CDKAL1: variants seen among roughly 807,000 people sequenced by gnomAD.
The protein encoded by CDKAL1 is threonylcarbamoyladenosine tRNA methylthiotransferase.
A neutral mutation model predicts 68.2 loss-of-function variants in CDKAL1; 32 were observed. The observed-to-expected ratio is 0.47, with a 90% CI of 0.35 to 0.63. CDKAL1 has a LOEUF of 0.63. Among genes scored for constraint, CDKAL1 ranks in the 30% least tolerant of loss-of-function variants. CDKAL1 has a pLI of 0.00. For missense variants in CDKAL1, 606 were observed against 696.7 expected, an observed-to-expected ratio of 0.87 and a Z score of 1.47; for synonymous variants, 234 against 244.3, an observed-to-expected ratio of 0.96 and a Z score of 0.39.
chr6:20,624,775 G>T (rs1453606067), intron 4 of CDKAL1, among the ~76,000 whole-genome samples: 1 of 151,992 alleles, frequency 6.6e-6, no homozygotes, highest in African/African-American at 2.4e-5. Flanking sequence ...ATTTAATTTT[G>T]TATAAGAACA....
intron 6 of CDKAL1, among the ~76,000 whole-genome samples, chr6:20,748,921 A>G (rs1366256451): frequency 6.6e-6 from 1 of 152,084 alleles, no homozygotes; most frequent in African/African-American, 2.4e-5. Flanking sequence ...CAAAATTAAG[A>G]CAGCTAATAA....
chr6:21,048,494 GTA>G (rs1222916883), intron 11 of CDKAL1, among the ~76,000 whole-genome samples: 1 of 152,008 alleles, frequency 6.6e-6, no homozygotes, highest in Non-Finnish European at 1.5e-5. Context: ...CTTGCTCTGT[GTA>G]TGTGTGTGTA....
At chr6:20,554,125 A>C (rs1013496376) in intron 4 of CDKAL1, among the ~76,000 whole-genome samples, 3 of 152,252 alleles carry the variant, frequency 2.0e-5, no homozygotes, top group Non-Finnish European at 4.4e-5. Context: ...GCCAACTTTT[A>C]AATAAACTAT....
At position 21,001,120 on chromosome 6, in the gene CDKAL1, C is replaced by A. The variant is rs9368265; in HGVS notation, c.1055+748C>A. On this transcript the variant is annotated intron_variant, in intron 11 of 15. Coordinates refer to ENST00000274695, the MANE Select transcript of CDKAL1 (RefSeq NM_017774.3). ...TCTCAAGTCTACATCACTGTTCTCC[C>A]CTCTGGGGATATGTCATTTGTCTTG... Among the ~76,000 whole-genome samples the A allele has an allele frequency of 9.9e-5, 15 of 152,202 alleles. No homozygotes were observed. In the East Asian group the frequency reaches 2.9e-3, roughly 29 times the overall value.
chr6:21,146,850 C>CA (rs1194653980), intron 13 of CDKAL1, among the ~76,000 whole-genome samples: 22,147 of 77,848 alleles, frequency 0.28, 2,787 homozygotes, highest in Non-Finnish European at 0.32. Flanking sequence ...GACTCCGTCT[C>CA]AAAAAAAAAA....
At chr6:21,168,901 T>G (rs1777259606) in intron 13 of CDKAL1, among the ~76,000 whole-genome samples, 2 of 152,212 alleles carry the variant, frequency 1.3e-5, no homozygotes, top group African/African-American at 4.8e-5. Flanking sequence ...ATAAATATCC[T>G]TCTTCGCCAA....
chr6:21,147,383 T>C (rs541583430), intron 13 of CDKAL1, among the ~76,000 whole-genome samples: 3 of 152,250 alleles, frequency 2.0e-5, no homozygotes, highest in African/African-American at 7.2e-5. Context: ...CCTTATGAGA[T>C]TGGCAAATAG....
At chr6:20,551,662 G>A (rs1019634559) in intron 4 of CDKAL1, among the ~76,000 whole-genome samples, 4 of 152,118 alleles carry the variant, frequency 2.6e-5, no homozygotes, top group African/African-American at 9.6e-5. Context: ...GAGCCACCGC[G>A]CCTGGCCTAA....
At chr6:20,991,476 C>T (rs1274567949) in intron 10 of CDKAL1, among the ~76,000 whole-genome samples, 12 of 151,710 alleles carry the variant, frequency 7.9e-5, no homozygotes, top group African/African-American at 1.7e-4. Flanking sequence ...GGATGGCAGA[C>T]GTGGGTGGGT....
chr6:21,150,741 C>T (rs972729658), intron 13 of CDKAL1, among the ~76,000 whole-genome samples: 113 of 152,342 alleles, frequency 7.4e-4, no homozygotes, highest in Middle Eastern at 3.4e-3. Flanking sequence ...TCAACTTCGT[C>T]CTGACAGGCT....
intron 13 of CDKAL1, among the ~76,000 whole-genome samples, chr6:21,124,966 C>T (rs1192129877): frequency 1.3e-5 from 2 of 152,024 alleles, no homozygotes; most frequent in Admixed American, 6.6e-5. Flanking sequence ...TCCATGCTTT[C>T]CCCAGTATGC....
intron 10 of CDKAL1, among the ~76,000 whole-genome samples, chr6:20,982,115 G>A (rs894765376): frequency 2.0e-5 from 3 of 151,606 alleles, no homozygotes; most frequent in Non-Finnish European, 4.4e-5. Context: ...TGCCTAGGCT[G>A]GAGTACAGTG....
intron 5 of CDKAL1, among the ~76,000 whole-genome samples, chr6:20,724,334 TG>T (rs774880223): frequency 1.3e-5 from 2 of 152,190 alleles, no homozygotes; most frequent in Non-Finnish European, 2.9e-5. Flanking sequence ...AAATGGACTT[TG>T]ATAAAAGATG....
rs73388640 is a variant in CDKAL1 at position 20,632,710 on chromosome 6, A to G, written c.287-16583A>G. On this transcript the variant is annotated intron_variant, in intron 4 of 15. Transcript: ENST00000274695. ...TCATTCATGTATTTATTCTTTTATT[A>G]TTCATTCTCCAATAATAATAGCATA... Among the ~76,000 whole-genome samples the G allele has an allele frequency of 2.1e-3, 324 of 152,204 alleles. 2 individuals are homozygous for G. Among genetic ancestry groups the G allele is most frequent in the African/African-American group, 7.5e-3 (310 of 41,524 alleles).
Position 21,172,617 on chromosome 6 carries a change from C to G in CDKAL1, c.1300-25404C>G, listed in dbSNP as rs187185927. Among the ~76,000 whole-genome samples, 631 of 152,210 alleles carry G rather than the reference C, an allele frequency of 4.1e-3. 4 individuals are homozygous for G. The highest frequency in any genetic ancestry group is 7.0e-3 in the Non-Finnish European group (479 of 68,010). ...AAAAAAGATTTTAAAATTAGCCAGG[C>G]ATGGTAGCATGCCCCTATAGTCCCA... On this transcript the variant is annotated intron_variant, in intron 13 of 15. Transcript: ENST00000274695.
intron 4 of CDKAL1, among the ~76,000 whole-genome samples, chr6:20,636,955 T>C (rs1767932463): frequency 6.6e-6 from 1 of 150,744 alleles, no homozygotes; most frequent in Non-Finnish European, 1.5e-5. Flanking sequence ...GAGAATTGCT[T>C]GAACCCGGGA....
intron 4 of CDKAL1, among the ~76,000 whole-genome samples, chr6:20,571,728 T>C (rs1027285092): frequency 2.0e-5 from 3 of 151,846 alleles, no homozygotes; most frequent in Non-Finnish European, 2.9e-5. Flanking sequence ...TTTGTCTAAA[T>C]TGAGGTATAG....
At chr6:20,985,363 G>A (rs566301537) in intron 10 of CDKAL1, among the ~76,000 whole-genome samples, 2 of 152,148 alleles carry the variant, frequency 1.3e-5, no homozygotes, top group African/African-American at 2.4e-5. Flanking sequence ...CTGCGATCTC[G>A]GCTCACTGCA....
chr6:21,153,424 G>A (rs914570497), intron 13 of CDKAL1, among the ~76,000 whole-genome samples: 1 of 151,980 alleles, frequency 6.6e-6, no homozygotes, highest in African/African-American at 2.4e-5. Flanking sequence ...ATTCAATTAT[G>A]GCAGCTGTTT....
Sources: allele counts gnomAD v4.1 joint callset (sites outside exome capture counted in the v4.1 genomes callset), GRCh38; gene constraint gnomAD v4.1.1; transcripts MANE v1.5; gene names NCBI Gene and HGNC (gene_info 2026-07-23, HGNC 2026-07-21).